The following CCDC60 variants were observed in gnomAD, a reference collection of about 807,000 sequenced individuals.
CCDC60 encodes coiled-coil domain containing 60, also known as coiled-coil domain-containing protein 60.
In CCDC60, 54 loss-of-function variants were observed where a neutral mutation model predicts 63.5. That is an observed-to-expected ratio of 0.85 (90% CI 0.68 to 1.07). CCDC60 has a LOEUF of 1.07. CCDC60 is among the 50% of genes least tolerant of loss of function. The pLI is 0.00. For synonymous variants in CCDC60, 206 were observed against 238.8 expected (o/e 0.86, Z 1.27); for missense variants, 651 against 684.3 (o/e 0.95, Z 0.54).
At chr12:119,523,996 T>C (rs1952607512) in intron 11 of CCDC60, among the ~76,000 whole-genome samples, 178 bp downstream of exon 11, 1 of 152,206 alleles carries the variant, frequency 6.6e-6, no homozygotes, top group African/African-American at 2.4e-5. Flanking sequence ...CATCCATAAA[T>C]ATATAGGTAC....
intron 7 of CCDC60, among the ~76,000 whole-genome samples, chr12:119,507,495 CATATATACACACATATATATACAT>C (rs1257585364): frequency 7.1e-4 from 95 of 133,144 alleles, no homozygotes; most frequent in African/African-American, 2.5e-3. Context: ...CACATATATA[CATATATACACACATATATATACAT>C]ATATATACAC....
At chr12:119,438,587 A>C (rs1341816666) in intron 2 of CCDC60, among the ~76,000 whole-genome samples, 1 of 152,208 alleles carries the variant, frequency 6.6e-6, no homozygotes, top group Non-Finnish European at 1.5e-5. Context: ...TGGGAGAGAG[A>C]GATAACAAGA....
At chr12:119,453,340 A>G (rs1950668423) in intron 2 of CCDC60, among the ~76,000 whole-genome samples, 1 of 152,172 alleles carries the variant, frequency 6.6e-6, no homozygotes, top group South Asian at 2.1e-4. Flanking sequence ...TTCTTTAATG[A>G]AGATCTGAGA....
intron 1 of CCDC60, among the ~76,000 whole-genome samples, chr12:119,339,419 AT>A (rs1228371191): frequency 6.6e-6 from 1 of 152,172 alleles, no homozygotes; most frequent in Non-Finnish European, 1.5e-5. Context: ...AGCATCCCTA[AT>A]TTGGGCAGAT....
At chr12:119,458,622 T>A (rs1950793078) in intron 2 of CCDC60, among the ~76,000 whole-genome samples, 2 of 152,226 alleles carry the variant, frequency 1.3e-5, no homozygotes, top group Non-Finnish European at 2.9e-5. Context: ...TTGGGTGATG[T>A]TCAATCCTAG....
chr12:119,449,123 T>C (rs1178527227), intron 2 of CCDC60, among the ~76,000 whole-genome samples: 1 of 152,124 alleles, frequency 6.6e-6, no homozygotes, highest in Non-Finnish European at 1.5e-5. Context: ...TGTGTATGTG[T>C]ATGTATATGT....
intron 1 of CCDC60, among the ~76,000 whole-genome samples, chr12:119,413,687 C>T (rs1956646455): frequency 6.6e-6 from 1 of 152,198 alleles, no homozygotes; most frequent in South Asian, 2.1e-4. Context: ...TGACTTTCTT[C>T]GGGTCACGCA....
chr12:119,381,219 A>G (rs1464087953), intron 1 of CCDC60, among the ~76,000 whole-genome samples: 1 of 152,202 alleles, frequency 6.6e-6, no homozygotes, highest in Non-Finnish European at 1.5e-5. Flanking sequence ...TGTATTTCCT[A>G]CAATATTCTC....
intron 12 of CCDC60, 125 bp downstream of exon 12, chr12:119,528,871 G>T: frequency 1.1e-6 from 1 of 935,404 alleles, no homozygotes; most frequent in Non-Finnish European, 1.5e-6. Context: ...ACTGTCATTG[G>T]CCATCAACAG....
chr12:119,416,426 AC>A (rs1956700393), intron 1 of CCDC60, among the ~76,000 whole-genome samples: 1 of 150,940 alleles, frequency 6.6e-6, no homozygotes, highest in Admixed American at 6.6e-5. Context: ...TGTGGGACAA[AC>A]AGGGAGGTCT....
chr12:119,376,090 T>C (rs555404284), intron 1 of CCDC60, among the ~76,000 whole-genome samples: 1 of 152,356 alleles, frequency 6.6e-6, no homozygotes, highest in African/African-American at 2.4e-5. Flanking sequence ...ATTTGTGTGT[T>C]GGACACGTTT....
intron 5 of CCDC60, among the ~76,000 whole-genome samples, chr12:119,498,371 C>T (rs1951762272): frequency 6.6e-6 from 1 of 152,098 alleles, no homozygotes; most frequent in South Asian, 2.1e-4. Flanking sequence ...TCACTCTTGT[C>T]CCCCAGGCTG....
intron 11 of CCDC60, among the ~76,000 whole-genome samples, chr12:119,527,707 C>T (rs1340355346): frequency 5.7e-5 from 7 of 121,994 alleles, no homozygotes; most frequent in East Asian, 2.4e-4. Flanking sequence ...GATGGAGTCT[C>T]GCTCTGTCGC....
At chr12:119,537,504 G>T (rs1275033573) in intron 13 of CCDC60, among the ~76,000 whole-genome samples, 1 of 152,222 alleles carries the variant, frequency 6.6e-6, no homozygotes, top group African/African-American at 2.4e-5. Flanking sequence ...CCAGTTTTTA[G>T]AATTTTCAGC....
intron 1 of CCDC60, among the ~76,000 whole-genome samples, chr12:119,405,467 C>CA (rs1956469850): frequency 1.3e-5 from 2 of 152,186 alleles, no homozygotes; most frequent in South Asian, 4.1e-4. Context: ...TTCACGGTAA[C>CA]AAAGTCGGGC....
chr12:119,530,819 G>A, intron 12 of CCDC60, 55 bp from the exon 13 acceptor site: 1 of 1,478,546 alleles, frequency 6.8e-7, no homozygotes, highest in Non-Finnish European at 9.3e-7. Context: ...GATGGCCAGA[G>A]GTGCTCAGAT....
chr12:119,433,897 T>C (rs1727387), intron 2 of CCDC60, among the ~76,000 whole-genome samples: 132,759 of 152,240 alleles, frequency 0.87, 58,112 homozygotes, highest in East Asian at 1. Flanking sequence ...ACAAACTTGG[T>C]GAATTTCTAG....
chr12:119,366,024 G>C (rs1182534271), intron 1 of CCDC60, among the ~76,000 whole-genome samples: 2 of 152,296 alleles, frequency 1.3e-5, no homozygotes, highest in East Asian at 1.9e-4. Flanking sequence ...AAGATGTATT[G>C]AGATATATCT....
At chr12:119,528,578 T>C (rs749593378) in intron 11 of CCDC60, 37 bp from the exon 12 acceptor site, 1 of 1,594,534 alleles carries the variant, frequency 6.3e-7, no homozygotes. Context: ...GAGGAGGGGA[T>C]CTCATTCTTC....
Sources: gnomAD v4.1 joint callset for allele counts (sites outside exome capture counted in the v4.1 genomes callset) on GRCh38, gnomAD v4.1.1 for gene constraint, MANE v1.5 for transcripts, NCBI Gene and HGNC (gene_info 2026-07-23, HGNC 2026-07-21) for gene names.